The following MEGF6 variants were observed in gnomAD, a reference collection of about 807,000 sequenced individuals.
The protein encoded by MEGF6 is multiple epidermal growth factor-like domains protein 6.
Under a neutral mutation model 207.1 loss-of-function variants are expected in MEGF6, and 184 were observed. That is an observed-to-expected ratio of 0.89 (90% CI 0.79 to 1.00). MEGF6 has a LOEUF of 1.00. Among genes scored for constraint, MEGF6 ranks in the 50% least tolerant of loss-of-function variants. MEGF6 has a pLI of 0.00. For synonymous variants in MEGF6, 1,038 were observed against 910.0 expected (o/e 1.14, Z -2.53); for missense variants, 2,282 against 2,202.9 (o/e 1.04, Z -0.72).
chr1:3,520,512 G>C (rs909751764), intron 5 of MEGF6, among the ~76,000 whole-genome samples: 10 of 152,150 alleles, frequency 6.6e-5, no homozygotes, highest in Non-Finnish European at 1.3e-4. Flanking sequence ...CCCCACCCTC[G>C]GGCCTCACTA....
chr1:3,577,835 C>A (rs1350503751), intron 4 of MEGF6, among the ~76,000 whole-genome samples: 1 of 152,250 alleles, frequency 6.6e-6, no homozygotes, highest in African/African-American at 2.4e-5. Flanking sequence ...TGGAGCCCCC[C>A]CAACAATGCC....
chr1:3,616,662 T>C, the MEGF6 span, among the ~76,000 whole-genome samples: 7 of 152,300 alleles, frequency 4.6e-5, no homozygotes, highest in East Asian at 1.4e-3. Context: ...ACTGAGTCTA[T>C]GGCCAGCCTT....
At chr1:3,516,429 G>A (rs11587498) in intron 5 of MEGF6, among the ~76,000 whole-genome samples, 20,934 of 152,200 alleles carry the variant, frequency 0.14, 1,693 homozygotes, top group East Asian at 0.37. Flanking sequence ...GCCTGTGCCC[G>A]GGCAGGGGAG....
chr1:3,604,686 G>A (rs571691950), intron 1 of MEGF6, among the ~76,000 whole-genome samples: 21 of 152,262 alleles, frequency 1.4e-4, no homozygotes, highest in African/African-American at 4.8e-4. Context: ...CCCTCCCAGG[G>A]AGGAAGTGAC....
intron 35 of MEGF6, 62 bp from the exon 36 acceptor site, chr1:3,491,021 G>A: frequency 6.8e-7 from 1 of 1,480,168 alleles, no homozygotes; most frequent in Non-Finnish European, 9.0e-7. Flanking sequence ...CACAGTAATG[G>A]CAGCAAGGCG....
Position 3,490,571 on chromosome 1 carries a change from G to A in MEGF6, c.4583C>T (p.Ser1528Phe), listed in dbSNP as rs375123791. 87 of 1,613,460 alleles carry A rather than the reference G, an allele frequency of 5.4e-5. No individual in the cohort carries two copies. The African/African-American group carries it at 1.1e-3, about 20-fold the overall frequency. The change falls in exon 37 of 37, where the codon TCC becomes TTC. Residue 1528 changes from serine (S) to phenylalanine (F), a missense_variant. Transcript: ENST00000356575. Reference protein sequence around the residue: ...AQGSAGTLPASSRPTSRSGGP... With the variant: ...AQGSAGTLPAFSRPTSRSGGP... ...ACCGCTCCGGGATGTGGGTCTGCTG[G>A]AGGCGGGCAGTGTGCCCGCTGGGGA...
intron 5 of MEGF6, among the ~76,000 whole-genome samples, chr1:3,523,751 C>A (rs1482381898): frequency 6.6e-6 from 1 of 152,240 alleles, no homozygotes; most frequent in Non-Finnish European, 1.5e-5. Context: ...ACAACCAGGC[C>A]AGGTCCCTGC....
At chr1:3,526,171 C>G (rs1020601771) in intron 4 of MEGF6, among the ~76,000 whole-genome samples, 2 of 152,192 alleles carry the variant, frequency 1.3e-5, no homozygotes, top group African/African-American at 4.8e-5. Context: ...TCCTAGGGGT[C>G]CGGGGCCTCT....
intron 2 of MEGF6, 134 bp from the exon 3 acceptor site, chr1:3,595,581 G>T: frequency 2.8e-6 from 2 of 703,934 alleles, no homozygotes; most frequent in Non-Finnish European, 4.8e-6. Context: ...CAAGGTTCCT[G>T]GGTGGGGTGG....
At chr1:3,586,245 C>T (rs1276570219) in intron 3 of MEGF6, among the ~76,000 whole-genome samples, 1 of 152,240 alleles carries the variant, frequency 6.6e-6, no homozygotes, top group Non-Finnish European at 1.5e-5. Flanking sequence ...AGCGAGGAGA[C>T]ATGTCCTGTG....
chr1:3,509,742 G>A (rs1443486628), intron 11 of MEGF6, 128 bp downstream of exon 11: 2 of 1,314,072 alleles, frequency 1.5e-6, no homozygotes, highest in African/African-American at 3.0e-5. Context: ...TGTTGGCCCA[G>A]AGAGGCCAGG....
At chr1:3,554,305 T>G (rs1557089) in intron 4 of MEGF6, among the ~76,000 whole-genome samples, 38,872 of 149,866 alleles carry the variant, frequency 0.26, 7,682 homozygotes, top group African/African-American at 0.56. Context: ...TCCGAGAGAG[T>G]GTCGCTGGGG....
At chr1:3,531,209 A>C (rs1019147852) in intron 4 of MEGF6, 6 of 1,499,072 alleles carry the variant, frequency 4.0e-6, no homozygotes, top group Non-Finnish European at 4.4e-6. Context: ...CCAAGGCACC[A>C]GAGCGCGGCC....
chr1:3,500,568 C>A, intron 21 of MEGF6, 65 bp downstream of exon 21: 2 of 1,493,864 alleles, frequency 1.3e-6, no homozygotes, highest in South Asian at 2.6e-5. Flanking sequence ...TGTGTGTGCA[C>A]GTGTGCATAT....
chr1:3,505,498 G>A lies in MEGF6; in HGVS notation c.1977C>T (p.Pro659=), dbSNP rs774284690. The part of the protein sequence containing the change: ...GCSEECQCVQ[P]HTQSCDKRDG... ...CCCTCTTGTCACAGGACTGCGTGTG[G>A]GGCTGCACACACTGGCACTCCTCCG... Residue 659 remains proline (P), a synonymous_variant, in exon 16 of 37, where the codon CCC becomes CCT. Transcript: ENST00000356575. 8.1e-6 allele frequency: 13 copies of A among 1,607,148 alleles called. No individual in the cohort carries two copies. The highest frequency in any genetic ancestry group is 1.1e-5 in the Non-Finnish European group (13 of 1,178,092).
chr1:3,502,701 G>A (rs1285904615), intron 17 of MEGF6, among the ~76,000 whole-genome samples: 3 of 152,124 alleles, frequency 2.0e-5, no homozygotes, highest in East Asian at 3.9e-4. Context: ...CCCTGGAGAG[G>A]GCCTGCAGGG....
intron 5 of MEGF6, among the ~76,000 whole-genome samples, chr1:3,522,827 C>T (rs1050374977): frequency 3.3e-5 from 5 of 152,224 alleles, no homozygotes; most frequent in Non-Finnish European, 5.9e-5. Context: ...AGAGGAGGGT[C>T]GAGAAAAGGA....
Position 3,579,947 on chromosome 1 carries a change from A to C in MEGF6, c.377-18T>G. 3 of 1,492,420 alleles carry C rather than the reference A, an allele frequency of 2.0e-6. No homozygotes were observed. The highest frequency in any genetic ancestry group is 2.7e-6 in the Non-Finnish European group (3 of 1,122,698). 92.4% of individuals were successfully genotyped at this position (1,492,420 alleles called of 1,614,324 possible). A position where few individuals can be genotyped will look rare whatever the true frequency, so the allele number is the denominator to read the frequency against. ...GCATTCAGCTGCGGAGGGAAGGAGAAAATCGGTGAGAGGGGCAAGGAGGGG... is the reference window on the plus strand; with the variant it reads ...GCATTCAGCTGCGGAGGGAAGGAGACAATCGGTGAGAGGGGCAAGGAGGGG... On this transcript the variant is annotated intron_variant, in intron 3 of 36. Transcript: ENST00000356575.
intron 4 of MEGF6, among the ~76,000 whole-genome samples, chr1:3,545,130 C>T (rs933043611): frequency 4.6e-5 from 7 of 152,132 alleles, no homozygotes; most frequent in South Asian, 2.1e-4. Context: ...TTTCAGGGGC[C>T]GGGGAAGGTG....
Sources: allele counts gnomAD v4.1 joint callset (sites outside exome capture counted in the v4.1 genomes callset), GRCh38; gene constraint gnomAD v4.1.1; transcripts MANE v1.5; gene names NCBI Gene and HGNC (gene_info 2026-07-23, HGNC 2026-07-21).